The following PLB1 variants were observed in gnomAD, a reference collection of about 807,000 sequenced individuals.
PLB1 encodes phospholipase B1, membrane-associated.
PLB1 carries 242 observed loss-of-function variants against 227.4 expected under a neutral mutation model. That is an observed-to-expected ratio of 1.06 (90% confidence interval 0.96 to 1.18). The LOEUF (loss-of-function observed/expected upper bound fraction) is 1.18, where lower values mean the gene tolerates loss of function less well. PLB1 is among the 50% of genes most tolerant of loss of function. The pLI, the probability that PLB1 is intolerant of heterozygous loss-of-function variation, is 0.00. For synonymous variants in PLB1, 757 were observed against 682.2 expected (o/e 1.11, Z -1.71); for missense variants, 1,858 against 1,816.3 (o/e 1.02, Z -0.42).
At chr2:28,577,589 TC>T (rs1231418399) in intron 21 of PLB1, among the ~76,000 whole-genome samples, 1 of 152,200 alleles carries the variant, frequency 6.6e-6, no homozygotes, top group Non-Finnish European at 1.5e-5. Context: ...ACGCCTGTAA[TC>T]CCAGCATTTT....
At chr2:28,581,696 G>GGT (rs1680042049) in intron 23 of PLB1, among the ~76,000 whole-genome samples, 2 of 151,986 alleles carry the variant, frequency 1.3e-5, no homozygotes, top group South Asian at 4.1e-4. Context: ...GGCCAGGTGC[G>GGT]GTGGCTCATA....
chr2:28,539,204 C>T (rs768982053), intron 11 of PLB1, 26 bp downstream of exon 11: 26 of 1,583,694 alleles, frequency 1.6e-5, no homozygotes, highest in Admixed American at 1.3e-4. Flanking sequence ...GAATGAGACA[C>T]GCATCTGTGA....
chr2:28,621,088 G>A, intron 49 of PLB1, 110 bp downstream of exon 49: 1 of 821,612 alleles, frequency 1.2e-6, no homozygotes, highest in Middle Eastern at 3.3e-4. Flanking sequence ...AGGGGCAATA[G>A]CAGCTGTGCA....
chr2:28,628,462 C>T, intron 51 of PLB1, 101 bp from the exon 52 acceptor site: 2 of 1,017,446 alleles, frequency 2.0e-6, no homozygotes, highest in Non-Finnish European at 3.1e-6. Flanking sequence ...CCTCTGTACC[C>T]ACTCAGTCAT....
intron 14 of PLB1, among the ~76,000 whole-genome samples, chr2:28,547,210 A>AAAG (rs1408736060): frequency 1.9e-5 from 1 of 52,034 alleles, no homozygotes; most frequent in Non-Finnish European, 5.2e-5. Context: ...TCCAAAAAAA[A>AAAG]AAAAAAGAAA....
rs190930932 is a variant in PLB1, at chr2:28,577,252, G to A, written c.1434-855G>A. On this transcript the variant is annotated intron_variant, in intron 21 of 57. Transcript: ENST00000327757. Reference sequence around the variant, plus strand: ...CACCAGCAGTGGTTCCCATCTACTGGTCCCAGTGACCCTCCAAGATCAGTG... The same window carrying A: ...CACCAGCAGTGGTTCCCATCTACTGATCCCAGTGACCCTCCAAGATCAGTG... Among the ~76,000 whole-genome samples the A allele has an allele frequency of 5.3e-5, 8 of 152,300 alleles. No individual in the cohort carries two copies. The East Asian group carries it at 1.5e-3, about 29-fold the overall frequency.
chr2:28,497,214 A>G, intron 1 of PLB1, among the ~76,000 whole-genome samples: 1 of 152,202 alleles, frequency 6.6e-6, no homozygotes. Flanking sequence ...TGGAGGTTAC[A>G]TATATGACAA....
intron 44 of PLB1, among the ~76,000 whole-genome samples, chr2:28,615,488 C>G (rs1288748274): frequency 6.6e-6 from 1 of 152,166 alleles, no homozygotes; most frequent in African/African-American, 2.4e-5. Flanking sequence ...GAAACTAACC[C>G]ATATGAAATC....
intron 16 of PLB1, among the ~76,000 whole-genome samples, chr2:28,551,435 A>G (rs1047979754): frequency 2.2e-4 from 33 of 152,210 alleles, no homozygotes. Flanking sequence ...ATTTGGTCCT[A>G]GTGACATTCT....
intron 53 of PLB1, among the ~76,000 whole-genome samples, chr2:28,629,495 C>T (rs1688298655): frequency 6.6e-6 from 1 of 152,210 alleles, no homozygotes; most frequent in African/African-American, 2.4e-5. Context: ...TGTTGAGAAG[C>T]AGCATGGGGC....
intron 40 of PLB1, among the ~76,000 whole-genome samples, chr2:28,604,333 C>T (rs1010127325): frequency 6.6e-6 from 1 of 152,218 alleles, no homozygotes; most frequent in Non-Finnish European, 1.5e-5. Flanking sequence ...CCTCATGAGA[C>T]CACCTTTCCC....
At chr2:28,628,367 T>C (rs1688105042) in intron 51 of PLB1, among the ~76,000 whole-genome samples, 196 bp from the exon 52 acceptor site, 2 of 152,054 alleles carry the variant, frequency 1.3e-5, no homozygotes, top group Admixed American at 6.5e-5. Flanking sequence ...TCATGGTGTC[T>C]AGTAGGGGAC....
chr2:28,568,259 C>T (rs1334780438), intron 20 of PLB1, among the ~76,000 whole-genome samples: 1 of 152,166 alleles, frequency 6.6e-6, no homozygotes, highest in Non-Finnish European at 1.5e-5. Flanking sequence ...TGTGGGATGG[C>T]CCAATGTATG....
intron 25 of PLB1, 149 bp from the exon 26 acceptor site, chr2:28,585,612 C>A: frequency 1.5e-6 from 1 of 665,734 alleles, no homozygotes; most frequent in South Asian, 1.8e-5. Context: ...GTATGGTCAG[C>A]AGGTCAGCCA....
intron 4 of PLB1, 77 bp from the exon 5 acceptor site, chr2:28,525,190 C>G: frequency 7.2e-7 from 1 of 1,393,806 alleles, no homozygotes. Flanking sequence ...GGAGTTCTGA[C>G]AGGCAGCTTG....
intron 20 of PLB1, among the ~76,000 whole-genome samples, chr2:28,567,679 G>A (rs144704589): frequency 0.027 from 4,121 of 151,930 alleles, 170 homozygotes; most frequent in African/African-American, 0.088. Flanking sequence ...TCACCATGTT[G>A]GCCAGGATGG....
At chr2:28,521,393 C>T (rs1669514295) in intron 4 of PLB1, among the ~76,000 whole-genome samples, 1 of 152,190 alleles carries the variant, frequency 6.6e-6, no homozygotes, top group Non-Finnish European at 1.5e-5. Flanking sequence ...TATATTCCCA[C>T]CAACAGTGCA....
chr2:28,596,111 C>T (rs1041073567), intron 33 of PLB1: 4 of 152,198 alleles, frequency 2.6e-5, no homozygotes, highest in African/African-American at 9.7e-5. Context: ...ATGACTGAAA[C>T]TCCTTCAACA....
intron 17 of PLB1, among the ~76,000 whole-genome samples, chr2:28,556,853 C>T (rs116786516): frequency 8.7e-4 from 132 of 152,308 alleles, no homozygotes; most frequent in African/African-American, 3.1e-3. Context: ...TTATTTTAAG[C>T]CATCAATTCC....
Sources: gnomAD v4.1 joint callset for allele counts (sites outside exome capture counted in the v4.1 genomes callset) on GRCh38, gnomAD v4.1.1 for gene constraint, MANE v1.5 for transcripts, NCBI Gene and HGNC (gene_info 2026-07-23, HGNC 2026-07-21) for gene names.